The following SFXN4 variants were observed in gnomAD, a reference collection of about 807,000 sequenced individuals.
SFXN4 encodes sideroflexin 4, also known as sideroflexin-4.
Under a neutral mutation model 54.6 loss-of-function variants are expected in SFXN4, and 48 were observed. The ratio of observed to expected loss-of-function variants is 0.88; its 90% CI spans 0.70 to 1.12. The LOEUF (loss-of-function observed/expected upper bound fraction) is 1.12. SFXN4 is among the 50% of genes most tolerant of loss of function. The pLI, the probability that SFXN4 is intolerant of heterozygous loss-of-function variation, is 0.00. For synonymous variants in SFXN4, 130 were observed against 145.5 expected, an observed-to-expected ratio of 0.89 and a Z score of 0.77; for missense variants, 383 against 409.2, an observed-to-expected ratio of 0.94 and a Z score of 0.55.
chr10:119,146,438 TGTGTGTGTGTGTGTGTGTGTGTG>T, intron 12 of SFXN4, 85 bp from the exon 13 acceptor site: 1 of 540,722 alleles, frequency 1.8e-6, no homozygotes, highest in Non-Finnish European at 3.3e-6. Context: ...CGTGTGTGTG[TGTGTGTGTGTGTGTGTGTGTGTG>T]CACGTGTGTG....
At chr10:119,163,400 T>C (rs2133633779) in intron 2 of SFXN4, among the ~76,000 whole-genome samples, 1 of 152,072 alleles carries the variant, frequency 6.6e-6, no homozygotes. Context: ...TTTCTTTTCT[T>C]TTTTTGCTGG....
rs1278557637 is a variant in SFXN4, at chr10:119,156,534, G to T, written c.616+144C>A. 8.8e-6 allele frequency: 6 copies of T among 679,044 alleles called. No homozygotes were observed. In the East Asian group the frequency reaches 1.6e-4, roughly 19 times the overall value. 42.1% of individuals were successfully genotyped at this position (679,044 alleles called of 1,614,324 possible). A position where few individuals can be genotyped will look rare whatever the true frequency, so the allele number is the denominator to read the frequency against. On this transcript the variant is annotated intron_variant, in intron 10 of 13. Transcript: ENST00000355697. ...CTCTCAAACCAAAGACCTGATTTGG[G>T]CTTGGGGGCCTGCCGGGCTGCAAAG...
rs1847582072 is a variant in SFXN4, at chr10:119,162,267, T to C, written c.252+73A>G. ...CGGAGACAGAGATTAATGGCCAAATTCCACCTGACTTCAGACCATGCAGGC... is the reference window on the plus strand; with the variant it reads ...CGGAGACAGAGATTAATGGCCAAATCCCACCTGACTTCAGACCATGCAGGC... On this transcript the variant is annotated intron_variant, in intron 3 of 13. Coordinates refer to ENST00000355697, the MANE Select transcript of SFXN4 (RefSeq NM_213649.2). 4.9e-6 allele frequency: 6 copies of C among 1,231,590 alleles called. No homozygotes were observed. The Admixed American group carries it at 7.9e-5, about 16-fold the overall frequency. 76.3% of individuals were successfully genotyped at this position (1,231,590 alleles called of 1,614,324 possible). A position where few individuals can be genotyped will look rare whatever the true frequency, so the allele number is the denominator to read the frequency against.
chr10:119,141,449 C>A, intron 13 of SFXN4, 130 bp from the exon 14 acceptor site: 6 of 420,432 alleles, frequency 1.4e-5, no homozygotes, highest in Admixed American at 5.5e-5. Context: ...TAATCTATAG[C>A]AGAAAATGTA....
chr10:119,145,389 T>C (rs1030732404), intron 13 of SFXN4, among the ~76,000 whole-genome samples: 3 of 150,908 alleles, frequency 2.0e-5, no homozygotes, highest in African/African-American at 4.9e-5. Flanking sequence ...TCTTGGCTCA[T>C]TGCAACCTCT....
chr10:119,144,535 AAAT>A, intron 13 of SFXN4, among the ~76,000 whole-genome samples: 1 of 150,858 alleles, frequency 6.6e-6, no homozygotes, highest in Middle Eastern at 3.4e-3. Context: ...AGAGCTTTGG[AAAT>A]TAAAAAAATT....
chr10:119,165,709 A>G lies in SFXN4; in HGVS notation c.-62T>C, dbSNP rs897990279. The G allele has an allele frequency of 2.3e-6, 3 of 1,290,484 alleles. No homozygotes were observed. Among genetic ancestry groups the G allele is most frequent in the Non-Finnish European group, 3.0e-6 (3 of 995,898 alleles). 79.9% of individuals were successfully genotyped at this position (1,290,484 alleles called of 1,614,324 possible). A position where few individuals can be genotyped will look rare whatever the true frequency, so the allele number is the denominator to read the frequency against. Reference sequence around the variant, plus strand: ...CGCGTGGAGGAGGAGCCGGGCGGCGAGCCCCGCCCCGGGCCGCGCGCACCC... The same window carrying G: ...CGCGTGGAGGAGGAGCCGGGCGGCGGGCCCCGCCCCGGGCCGCGCGCACCC... On this transcript the variant is annotated 5_prime_UTR_variant, in exon 1 of 14. Transcript: ENST00000355697.
intron 2 of SFXN4, 115 bp from the exon 3 acceptor site, chr10:119,162,529 T>C (rs1260165947): frequency 3.8e-6 from 3 of 789,326 alleles, no homozygotes. Flanking sequence ...ACTGCATGCC[T>C]GATTTCAAGC....
intron 12 of SFXN4, among the ~76,000 whole-genome samples, chr10:119,147,260 G>A (rs904306834): frequency 6.6e-6 from 1 of 152,168 alleles, no homozygotes; most frequent in Non-Finnish European, 1.5e-5. Context: ...GTCTCCCCTC[G>A]GGTCTGAGCT....
Position 119,155,134 on chromosome 10 carries a change from T to C in SFXN4, c.660A>G (p.Glu220=), listed in dbSNP as rs369685292. 2.5e-5 allele frequency: 41 copies of C among 1,614,184 alleles called. No individual in the cohort carries two copies. In the East Asian group the frequency reaches 3.6e-4, roughly 14 times the overall value. The change falls in exon 11 of 14, where the codon GAA becomes GAG. Residue 220 remains glutamate, a synonymous_variant. Transcript: ENST00000355697. ...CCATGACCGCAATCCCCTTAATGGA[T>C]TCAAGACTTCGGGACATGTAGACAT... ...GMNVYMSRSL[E]SIKGIAVMDK...
intron 13 of SFXN4, among the ~76,000 whole-genome samples, chr10:119,142,032 T>G (rs12415613): frequency 6.6e-6 from 1 of 151,752 alleles, no homozygotes; most frequent in Non-Finnish European, 1.5e-5. Flanking sequence ...TGGGACCCTA[T>G]CTCTACAAAA....
Position 119,156,723 on chromosome 10 carries a change from G to A in SFXN4, c.571C>T (p.Leu191=). 1 of 1,611,598 alleles carries A rather than the reference G, an allele frequency of 6.2e-7. No individual in the cohort carries two copies. The highest frequency in any genetic ancestry group is 8.5e-7 in the Non-Finnish European group (1 of 1,178,778). ...AGTCTTTTAATCCAAGGGCCAGTCAGGCCATACTTCATCTGGACAAACTGA... is the reference window on the plus strand; with the variant it reads ...AGTCTTTTAATCCAAGGGCCAGTCAAGCCATACTTCATCTGGACAAACTGA... ...IPQFVQMKYG[L]TGPWIKRLLP... Residue 191 remains leucine (L), a synonymous_variant, in exon 10 of 14, where the codon CTG becomes TTG. Transcript: ENST00000355697.
In SFXN4 at chr10:119,145,132, CA is replaced by C. The variant is rs1354659419; in HGVS notation, c.936+1103del. Among the ~76,000 whole-genome samples the C allele has an allele frequency of 3.3e-5, 5 of 151,990 alleles. No homozygotes were observed. In the East Asian group the frequency reaches 5.8e-4, roughly 18 times the overall value. On this transcript the variant is annotated intron_variant, in intron 13 of 13. Coordinates refer to ENST00000355697, the MANE Select transcript of SFXN4 (RefSeq NM_213649.2). ...AACCCTTGAATAATGCAGGTTTGAA[CA>C]ATGCAGGTCCACTTATATACTGTTT...
At chr10:119,157,155 G>A (rs528701500) in intron 9 of SFXN4, among the ~76,000 whole-genome samples, 13 of 152,198 alleles carry the variant, frequency 8.5e-5, no homozygotes, top group South Asian at 4.2e-4. Flanking sequence ...CCAGCCAGGC[G>A]TGGTGGCTCA....
intron 11 of SFXN4, among the ~76,000 whole-genome samples, chr10:119,148,101 G>A (rs1288027368): frequency 6.6e-6 from 1 of 152,120 alleles, no homozygotes; most frequent in Non-Finnish European, 1.5e-5. Context: ...GAACCTGAGA[G>A]GCGGATTTTG....
chr10:119,155,660 T>G (rs1847253789), intron 10 of SFXN4, among the ~76,000 whole-genome samples: 1 of 152,090 alleles, frequency 6.6e-6, no homozygotes, highest in African/African-American at 2.4e-5. Flanking sequence ...GCCCGGCTAA[T>G]TTTTGTATTT....
intron 11 of SFXN4, among the ~76,000 whole-genome samples, chr10:119,149,730 ACAGAGCG>A (rs1846976071): frequency 6.6e-6 from 1 of 152,264 alleles, no homozygotes; most frequent in African/African-American, 2.4e-5. Flanking sequence ...AGCCTAGGCA[ACAGAGCG>A]AGACTCAGTC....
intron 9 of SFXN4, among the ~76,000 whole-genome samples, chr10:119,157,339 G>C (rs1467863088): frequency 6.6e-6 from 1 of 151,280 alleles, no homozygotes; most frequent in Non-Finnish European, 1.5e-5. Flanking sequence ...GCTGAGGCAG[G>C]AGAATCACTT....
chr10:119,146,767 C>T (rs1488796374), intron 12 of SFXN4, among the ~76,000 whole-genome samples: 1 of 152,096 alleles, frequency 6.6e-6, no homozygotes, highest in Non-Finnish European at 1.5e-5. Context: ...CGGGGTTCAC[C>T]ATGTTGGCCA....
Sources: gnomAD v4.1 joint callset for allele counts (sites outside exome capture counted in the v4.1 genomes callset) on GRCh38, gnomAD v4.1.1 for gene constraint, MANE v1.5 for transcripts, NCBI Gene and HGNC (gene_info 2026-07-23, HGNC 2026-07-21) for gene names.